Variants in TBC1D19 observed in about 807,000 individuals in gnomAD.
The protein encoded by TBC1D19 is TBC1 domain family member 19.
A neutral mutation model predicts 89.0 loss-of-function variants in TBC1D19; 60 were observed. The observed-to-expected ratio is 0.67, with a 90% CI of 0.55 to 0.84. TBC1D19 has a LOEUF of 0.84. TBC1D19 is among the 40% of genes least tolerant of loss of function. The pLI, the probability that TBC1D19 is intolerant of heterozygous loss-of-function variation, is 0.00. For missense variants in TBC1D19, 500 were observed against 610.8 expected (o/e 0.82, Z 1.91); for synonymous variants, 189 against 199.7 (o/e 0.95, Z 0.45).
At chr4:26,642,876 C>T (rs564325815) in intron 7 of TBC1D19, among the ~76,000 whole-genome samples, 1 of 152,268 alleles carries the variant, frequency 6.6e-6, no homozygotes, top group East Asian at 1.9e-4. Context: ...ACAAGAAGAG[C>T]TAATTATCCT....
the TBC1D19 span, among the ~76,000 whole-genome samples, chr4:26,801,557 A>G: frequency 4.9e-3 from 743 of 152,304 alleles, 10 homozygotes; most frequent in African/African-American, 0.017. Flanking sequence ...AGTCATTGGT[A>G]GCTTGATGGG....
intron 2 of TBC1D19, 51 bp downstream of exon 2, chr4:26,613,292 T>C (rs1467692440): frequency 8.5e-7 from 1 of 1,183,400 alleles, no homozygotes; most frequent in South Asian, 1.4e-5. Context: ...AATGTTTTAT[T>C]TATTCCTAAT....
chr4:26,645,530 G>C (rs1454555943), intron 7 of TBC1D19, among the ~76,000 whole-genome samples: 76 of 152,120 alleles, frequency 5.0e-4, no homozygotes, highest in Non-Finnish European at 2.9e-5. Flanking sequence ...ACTTAAATGT[G>C]AGACCTAAAA....
the TBC1D19 span, among the ~76,000 whole-genome samples, chr4:26,856,016 A>G: frequency 3.3e-5 from 5 of 152,174 alleles, no homozygotes; most frequent in African/African-American, 1.2e-4. Context: ...AGCAATTTTG[A>G]AATAGACATT....
At chr4:26,646,899 C>G (rs1430858626) in intron 7 of TBC1D19, among the ~76,000 whole-genome samples, 2 of 152,062 alleles carry the variant, frequency 1.3e-5, no homozygotes, top group Non-Finnish European at 2.9e-5. Context: ...AACAAACCTG[C>G]ACATGTACCC....
At chr4:26,591,467 T>C (rs889634290) in intron 1 of TBC1D19, among the ~76,000 whole-genome samples, 5 of 152,066 alleles carry the variant, frequency 3.3e-5, no homozygotes, top group Non-Finnish European at 7.4e-5. Flanking sequence ...GAGAAAGAGC[T>C]GGAGTCCTTT....
chr4:26,757,124 C>T (rs565923905), downstream of TBC1D19, among the ~76,000 whole-genome samples: 2 of 152,192 alleles, frequency 1.3e-5, no homozygotes, highest in Admixed American at 1.3e-4. Context: ...AGTGATTCTC[C>T]TGCCTCAGCC....
At chr4:26,809,846 C>G in the TBC1D19 span, among the ~76,000 whole-genome samples, 1 of 152,212 alleles carries the variant, frequency 6.6e-6, no homozygotes, top group African/African-American at 2.4e-5. Context: ...AGCATGCCAC[C>G]TCTTTACGGT....
chr4:26,742,781 A>G (rs536493046), intron 18 of TBC1D19, among the ~76,000 whole-genome samples, 182 bp downstream of exon 18: 1 of 152,298 alleles, frequency 6.6e-6, no homozygotes, highest in African/African-American at 2.4e-5. Context: ...TCTTGAAAGA[A>G]TTACCAAAAT....
chr4:26,579,601 T>C (rs1242756356), upstream of TBC1D19, among the ~76,000 whole-genome samples: 1 of 151,960 alleles, frequency 6.6e-6, no homozygotes, highest in Non-Finnish European at 1.5e-5. Flanking sequence ...TATCAATCCA[T>C]CATCTACGTT....
At chr4:26,673,358 A>C (rs16878551) in intron 10 of TBC1D19, among the ~76,000 whole-genome samples, 2,656 of 150,672 alleles carry the variant, frequency 0.018, 53 homozygotes, top group East Asian at 0.066. Context: ...GTAGTAGAAT[A>C]TGCATAAGAA....
chr4:26,662,110 A>C (rs1326172315), intron 8 of TBC1D19, among the ~76,000 whole-genome samples: 1 of 151,818 alleles, frequency 6.6e-6, no homozygotes, highest in Admixed American at 6.6e-5. Flanking sequence ...TTCTCTTAGA[A>C]TTTTTTTTTG....
the TBC1D19 span, among the ~76,000 whole-genome samples, chr4:26,770,161 A>G: frequency 2.6e-5 from 4 of 152,136 alleles, no homozygotes; most frequent in Admixed American, 2.6e-4. Context: ...AAAGGCAGAG[A>G]TTGTCAGACT....
the TBC1D19 span, among the ~76,000 whole-genome samples, chr4:26,771,374 G>A: frequency 1.3e-5 from 2 of 152,210 alleles, no homozygotes; most frequent in African/African-American, 4.8e-5. Flanking sequence ...GGATCTCAAG[G>A]AGATTTGAAC....
In TBC1D19 at chr4:26,620,158, C is replaced by T. The variant is rs181086111; in HGVS notation, c.219-455C>T. Among the ~76,000 whole-genome samples the T allele has an allele frequency of 2.6e-3, 398 of 152,276 alleles. 1 individual carries two copies. Among genetic ancestry groups the T allele is most frequent in the Non-Finnish European group, 4.0e-3 (271 of 68,018 alleles). Reference sequence around the variant, plus strand: ...GCATTACCTCCTCAGAATTCTTGTGCTTGCCATCCCTTTGCCTGGAATATT... The same window carrying T: ...GCATTACCTCCTCAGAATTCTTGTGTTTGCCATCCCTTTGCCTGGAATATT... On this transcript the variant is annotated intron_variant, in intron 3 of 20. Coordinates refer to ENST00000264866, the MANE Select transcript of TBC1D19 (RefSeq NM_018317.4).
Position 26,739,980 on chromosome 4 carries a change from T to C in TBC1D19, c.1227+7T>C. The C allele has an allele frequency of 6.5e-7, 1 of 1,535,558 alleles. No individual in the cohort carries two copies. Among genetic ancestry groups the C allele is most frequent in the East Asian group, 2.4e-5 (1 of 41,982 alleles). On this transcript the variant is annotated splice_region_variant and intron_variant, in intron 17 of 20. Transcript: ENST00000264866. ...CATCTCTTCTCATCCTTCTGTAAGTTCATAAGAAAAACTTGATCAAATTAG... is the reference window on the plus strand; with the variant it reads ...CATCTCTTCTCATCCTTCTGTAAGTCCATAAGAAAAACTTGATCAAATTAG...
At chr4:26,583,274 C>G (rs557991809), upstream of TBC1D19, among the ~76,000 whole-genome samples, 49 of 152,146 alleles carry the variant, frequency 3.2e-4, no homozygotes, top group Non-Finnish European at 6.0e-4. Flanking sequence ...ACTTTTAGTT[C>G]TGCTAAAAAT....
chr4:26,758,878 G>C (rs1364161800), downstream of TBC1D19, among the ~76,000 whole-genome samples: 2 of 152,174 alleles, frequency 1.3e-5, no homozygotes, highest in Non-Finnish European at 2.9e-5. Flanking sequence ...GCTCAAACTA[G>C]AGTAGTATAT....
At chr4:26,740,771 A>C in intron 17 of TBC1D19, 1 of 985,366 alleles carries the variant, frequency 1.0e-6, no homozygotes, top group South Asian at 4.7e-5. Context: ...AGGGCTACTA[A>C]ATTTCCCCAA....
Sources: gnomAD v4.1 joint callset for allele counts (sites outside exome capture counted in the v4.1 genomes callset) on GRCh38, gnomAD v4.1.1 for gene constraint, MANE v1.5 for transcripts, NCBI Gene and HGNC (gene_info 2026-07-23, HGNC 2026-07-21) for gene names.